RBM33: variants seen among roughly 807,000 people sequenced by gnomAD.
RBM33 encodes RNA-binding protein 33.
Under a neutral mutation model 132.6 loss-of-function variants are expected in RBM33, and 28 were observed. The observed-to-expected ratio is 0.21, with a 90% confidence interval of 0.16 to 0.29. The LOEUF (loss-of-function observed/expected upper bound fraction) is 0.29, where lower values mean the gene tolerates loss of function less well. Ranked by LOEUF, RBM33 falls within the 10% of genes least tolerant of loss-of-function variation. The pLI is 1.00. For missense variants in RBM33, 1,291 were observed against 1,518.5 expected (o/e 0.85, Z 2.49); for synonymous variants, 634 against 593.0 (o/e 1.07, Z -1.01).
rs1052043716 is a variant in RBM33, at chr7:155,764,127, C to G, written c.3186+109C>G. ...CATGGCACACAGTAGTACTCACATT[C>G]ATAAGTGAACCATCATTTCCTTTGT... On this transcript the variant is annotated intron_variant, in intron 15 of 17. Transcript: ENST00000401878. The G allele has an allele frequency of 7.4e-6, 6 of 806,832 alleles. No individual in the cohort carries two copies. In the East Asian group the frequency reaches 1.5e-4, roughly 20 times the overall value. The allele number at this position is 806,832 out of a possible 1,614,324, so 50.0% of individuals were successfully genotyped here. A position where few individuals can be genotyped will look rare whatever the true frequency, so the allele number is the denominator to read the frequency against.
Position 155,697,786 on chromosome 7 carries a change from A to G in RBM33, c.568-2987A>G, listed in dbSNP as rs528692826. Among the ~76,000 whole-genome samples the G allele has an allele frequency of 2.6e-5, 4 of 152,280 alleles. No homozygotes were observed. In the South Asian group the frequency reaches 8.3e-4, roughly 32 times the overall value. On this transcript the variant is annotated intron_variant, in intron 5 of 17. Coordinates refer to ENST00000401878, the MANE Select transcript of RBM33 (RefSeq NM_053043.3). ...AGTTCTTTCTACATTTACGAAATAA[A>G]GCCTAAGTGGACCTCTCTGTTTTTT...
At chr7:155,689,435 A>G (rs1799570172) in intron 5 of RBM33, among the ~76,000 whole-genome samples, 1 of 152,078 alleles carries the variant, frequency 6.6e-6, no homozygotes, top group Non-Finnish European at 1.5e-5. Flanking sequence ...TCCTGGATTC[A>G]TTGATTTTTT....
At chr7:155,673,768 G>GTGCACACACA (rs1554469954) in intron 3 of RBM33, among the ~76,000 whole-genome samples, 1 of 132,962 alleles carries the variant, frequency 7.5e-6, no homozygotes, top group Non-Finnish European at 1.5e-5. Flanking sequence ...GCGCATGCGC[G>GTGCACACACA]CACACACACA....
intron 2 of RBM33, 31 bp downstream of exon 2, chr7:155,665,284 C>T (rs776161976): frequency 8.8e-6 from 14 of 1,585,926 alleles, no homozygotes; most frequent in Non-Finnish European, 1.2e-5. Context: ...ACCTAACTGC[C>T]TGTGCCGATC....
intron 3 of RBM33, among the ~76,000 whole-genome samples, chr7:155,673,768 G>GCGCGCACACACACA (rs1554469952): frequency 2.0e-4 from 27 of 132,980 alleles, no homozygotes; most frequent in African/African-American, 8.1e-4. Context: ...GCGCATGCGC[G>GCGCGCACACACACA]CACACACACA....
intron 5 of RBM33, among the ~76,000 whole-genome samples, chr7:155,694,551 A>G (rs926682232): frequency 6.6e-6 from 1 of 152,228 alleles, no homozygotes; most frequent in Admixed American, 6.5e-5. Context: ...CTTGGTTGAT[A>G]AGGAACAGTT....
At chr7:155,717,921 G>A (rs80306551) in intron 8 of RBM33, among the ~76,000 whole-genome samples, 3,297 of 152,258 alleles carry the variant, frequency 0.022, 123 homozygotes, top group African/African-American at 0.075. Flanking sequence ...TTCCTGGGAT[G>A]TGCTGTTTTC....
At chr7:155,693,359 A>G (rs1294943915) in intron 5 of RBM33, among the ~76,000 whole-genome samples, 1 of 150,518 alleles carries the variant, frequency 6.6e-6, no homozygotes, top group Non-Finnish European at 1.5e-5. Context: ...TTTGCTGTTA[A>G]CACTCTCACA....
At chr7:155,658,405 T>C in intron 1 of RBM33, among the ~76,000 whole-genome samples, 1 of 149,270 alleles carries the variant, frequency 6.7e-6, no homozygotes, top group African/African-American at 2.5e-5. Flanking sequence ...TTTTTTTTTT[T>C]GAGACGGAGT....
At chr7:155,701,247 A>G (rs1585457385) in intron 6 of RBM33, 1 of 469,712 alleles carries the variant, frequency 2.1e-6, no homozygotes, top group East Asian at 3.4e-5. Context: ...GCTGGTCTTG[A>G]AAAGGTGGCA....
In RBM33 at chr7:155,741,967, A is replaced by G. The variant is rs1801354237; in HGVS notation, c.2198A>G (p.Gln733Arg). 6.2e-7 allele frequency: 1 copy of G among 1,614,030 alleles called. No homozygotes were observed. The highest frequency in any genetic ancestry group is 8.5e-7 in the Non-Finnish European group (1 of 1,179,894). ...CGCTGCTCTGCCACGCCCTCAGCAC[A>G]AGTGAAACCTATCGTCAGCGCGTCA... ...SSRCSATPSA[Q>R]VKPIVSASPP... Residue 733 changes from glutamine to arginine, a missense_variant, in exon 13 of 18, where the codon CAA (glutamine) becomes CGA (arginine). By Grantham distance (43) the Gln-to-Arg change is conservative (BLOSUM62 1). Transcript: ENST00000401878.
intron 6 of RBM33, 150 bp from the exon 7 acceptor site, chr7:155,706,710 G>A (rs144128213): frequency 6.5e-6 from 4 of 616,934 alleles, no homozygotes; most frequent in Admixed American, 5.6e-5. Flanking sequence ...TGGTTGTATC[G>A]TACTTGCCGC....
At position 155,779,438 on chromosome 7, in the gene RBM33, T is replaced by G. The variant is rs1336173573; in HGVS notation, c.*4397T>G. The stretch of plus-strand genomic sequence containing the variant: ...TAGTGTATTTAAAGAGCATTTCAGT[T>G]AACTTTTTCAGCTATTTTTAAAGTT... On this transcript the variant is annotated 3_prime_UTR_variant, in exon 18 of 18. Transcript: ENST00000401878. The G allele has an allele frequency of 6.6e-6, 1 of 152,242 alleles. No individual in the cohort carries two copies. Among genetic ancestry groups the G allele is most frequent in the Non-Finnish European group, 1.5e-5 (1 of 68,052 alleles). 9.4% of individuals were successfully genotyped at this position (152,242 alleles called of 1,614,324 possible).
intron 9 of RBM33, among the ~76,000 whole-genome samples, chr7:155,725,770 CTTGAACCA>C (rs1208989435): frequency 6.6e-6 from 1 of 152,190 alleles, no homozygotes; most frequent in African/African-American, 2.4e-5. Context: ...TGTTTCACTG[CTTGAACCA>C]TTAACATTAT....
At chr7:155,767,535 G>T (rs1339470038) in intron 16 of RBM33, among the ~76,000 whole-genome samples, 1 of 152,176 alleles carries the variant, frequency 6.6e-6, no homozygotes, top group Admixed American at 6.5e-5. Context: ...GGTTGATACG[G>T]GTAATTAATG....
At position 155,745,804 on chromosome 7, in the gene RBM33, T is replaced by C; in HGVS notation, c.2979+202T>C. Reference sequence around the variant, plus strand: ...TCTCAGAAATGTGTTGTTAGGCGATTTTGTCATTGTCTGAACGTGCTAGAA... The same window carrying C: ...TCTCAGAAATGTGTTGTTAGGCGATCTTGTCATTGTCTGAACGTGCTAGAA... On this transcript the variant is annotated intron_variant, in intron 14 of 17. Coordinates refer to ENST00000401878, the MANE Select transcript of RBM33 (RefSeq NM_053043.3). The surrounding 1 kb of genome is among the most constrained non-coding windows in gnomAD (Gnocchi z 4.1). The C allele has an allele frequency of 1.7e-6, 1 of 599,066 alleles. No homozygotes were observed. Among genetic ancestry groups the C allele is most frequent in the Non-Finnish European group, 2.9e-6 (1 of 343,126 alleles). 37.1% of individuals were successfully genotyped at this position (599,066 alleles called of 1,614,324 possible).
intron 9 of RBM33, among the ~76,000 whole-genome samples, chr7:155,720,819 T>G (rs1424851410): frequency 6.6e-6 from 1 of 152,186 alleles, no homozygotes; most frequent in Non-Finnish European, 1.5e-5. Context: ...CCCCTCAGTT[T>G]CTATCCTGGT....
chr7:155,779,575 T>C lies in RBM33; in HGVS notation c.*4534T>C, dbSNP rs987067148. The C allele has an allele frequency of 1.3e-5, 2 of 152,234 alleles. No homozygotes were observed. The highest frequency in any genetic ancestry group is 1.3e-4 in the Admixed American group (2 of 15,280). 9.4% of individuals were successfully genotyped at this position (152,234 alleles called of 1,614,324 possible). On this transcript the variant is annotated 3_prime_UTR_variant, in exon 18 of 18. Transcript: ENST00000401878. The stretch of plus-strand genomic sequence containing the variant: ...TTATGTAAGGTTTTTTTGCAACCTA[T>C]TTAATTTTTTTTAAATGCCTAACTT...
chr7:155,760,999 G>A (rs772290271), intron 14 of RBM33, among the ~76,000 whole-genome samples: 6 of 152,236 alleles, frequency 3.9e-5, no homozygotes, highest in Non-Finnish European at 8.8e-5. Context: ...TAATTCAAAT[G>A]GTAGAGTCAT....
Sources: allele counts gnomAD v4.1 joint callset (sites outside exome capture counted in the v4.1 genomes callset), GRCh38; gene constraint gnomAD v4.1.1; non-coding constraint Gnocchi (gnomAD v3.1); transcripts MANE v1.5; gene names NCBI Gene and HGNC (gene_info 2026-07-23, HGNC 2026-07-21).